Variants in ASAP1 observed in about 807,000 individuals in gnomAD.
ASAP1 encodes arf-GAP with SH3 domain, ANK repeat and PH domain-containing protein 1.
ASAP1 carries 43 observed loss-of-function variants against 145.2 expected under a neutral mutation model. That is an observed-to-expected ratio of 0.30 (90% confidence interval 0.23 to 0.38). The LOEUF (loss-of-function observed/expected upper bound fraction) is 0.38, where lower values mean the gene tolerates loss of function less well. ASAP1 is among the 10% of genes least tolerant of loss of function. The probability of loss-of-function intolerance (pLI) is 1.00; values close to 1 mark genes in which losing one functional copy is unlikely to be tolerated. For missense variants in ASAP1, 1,018 were observed against 1,355.3 expected (o/e 0.75, Z 3.91); for synonymous variants, 546 against 515.5 (o/e 1.06, Z -0.80).
chr8:130,408,032 C>T (rs932827346), intron 1 of ASAP1, among the ~76,000 whole-genome samples: 12 of 152,146 alleles, frequency 7.9e-5, no homozygotes, highest in African/African-American at 1.2e-4. Context: ...TTTTGTGATA[C>T]GATTCCTCTT....
At chr8:130,433,172 G>A (rs970797007) in intron 1 of ASAP1, among the ~76,000 whole-genome samples, 1 of 152,240 alleles carries the variant, frequency 6.6e-6, no homozygotes, top group East Asian at 1.9e-4. Flanking sequence ...TTCTGTATCA[G>A]TGGAGGCATA....
intron 2 of ASAP1, among the ~76,000 whole-genome samples, chr8:130,362,355 TGAC>T (rs1338578902): frequency 1.6e-4 from 25 of 152,230 alleles, no homozygotes; most frequent in African/African-American, 4.8e-4. Context: ...CCTCATGGAA[TGAC>T]GACAATGGCT....
intron 5 of ASAP1, among the ~76,000 whole-genome samples, chr8:130,213,948 G>A (rs150244177): frequency 6.1e-4 from 93 of 152,254 alleles, no homozygotes; most frequent in Middle Eastern, 3.4e-3. Context: ...TCTGCCTCCC[G>A]GGGCCAGCAC....
intron 24 of ASAP1, among the ~76,000 whole-genome samples, chr8:130,106,564 C>T (rs1178930466): frequency 6.6e-6 from 1 of 152,268 alleles, no homozygotes; most frequent in African/African-American, 2.4e-5. Context: ...AACTATCACA[C>T]CTGTGGACAT....
chr8:130,075,428 C>A (rs1012913899), intron 27 of ASAP1, among the ~76,000 whole-genome samples: 5 of 152,154 alleles, frequency 3.3e-5, no homozygotes, highest in East Asian at 3.9e-4. Flanking sequence ...CCAATACTAA[C>A]CCCCAGTTTG....
chr8:130,412,729 G>A (rs906648816), intron 1 of ASAP1, among the ~76,000 whole-genome samples: 1 of 151,018 alleles, frequency 6.6e-6, no homozygotes, highest in Non-Finnish European at 1.5e-5. Flanking sequence ...CTGGCTCACT[G>A]CAACCTCCAC....
chr8:130,131,769 G>A (rs1458995422), intron 15 of ASAP1, among the ~76,000 whole-genome samples: 1 of 152,174 alleles, frequency 6.6e-6, no homozygotes, highest in East Asian at 1.9e-4. Context: ...CTGCACTCCA[G>A]CATGTGTGAC....
intron 2 of ASAP1, among the ~76,000 whole-genome samples, chr8:130,366,716 AT>A (rs1182804924): frequency 1.3e-5 from 2 of 152,052 alleles, no homozygotes; most frequent in African/African-American, 2.4e-5. Context: ...AAATTACTTT[AT>A]TGTTAAAAGG....
intron 3 of ASAP1, among the ~76,000 whole-genome samples, chr8:130,319,252 C>A (rs1586821716): frequency 6.6e-6 from 1 of 152,146 alleles, no homozygotes; most frequent in African/African-American, 2.4e-5. Flanking sequence ...ATAGCCAGAA[C>A]CAGCCCCCAG....
chr8:130,308,968 G>C (rs1030103148), intron 3 of ASAP1, among the ~76,000 whole-genome samples: 1 of 152,166 alleles, frequency 6.6e-6, no homozygotes, highest in African/African-American at 2.4e-5. Context: ...GGGCAGTTGA[G>C]GGAAAGGGAG....
intron 3 of ASAP1, among the ~76,000 whole-genome samples, chr8:130,337,633 T>C (rs749855736): frequency 2.0e-5 from 3 of 152,242 alleles, no homozygotes; most frequent in Non-Finnish European, 4.4e-5. Context: ...CTCCTTCCCA[T>C]GAAAATTGAA....
chr8:130,340,949 TTTTTGTTTTTG>T (rs1565224801), intron 3 of ASAP1: 3 of 421,814 alleles, frequency 7.1e-6, no homozygotes, highest in Admixed American at 5.4e-5. Flanking sequence ...ACTAGGTTTT[TTTTTGTTTTTG>T]TTTTTGTTTT....
At chr8:130,149,969 G>C (rs1052697471) in intron 13 of ASAP1, among the ~76,000 whole-genome samples, 5 of 152,208 alleles carry the variant, frequency 3.3e-5, no homozygotes, top group South Asian at 2.1e-4. Context: ...CTGGGGGCAG[G>C]AGAGTGCTGA....
At chr8:130,418,776 GTTTT>G in intron 1 of ASAP1, among the ~76,000 whole-genome samples, 1 of 147,004 alleles carries the variant, frequency 6.8e-6, no homozygotes, top group African/African-American at 2.5e-5. Flanking sequence ...AAAAATAGGA[GTTTT>G]TTTTTTTTTA....
chr8:130,059,217 T>C (rs2097411959), intron 28 of ASAP1, among the ~76,000 whole-genome samples: 1 of 151,948 alleles, frequency 6.6e-6, no homozygotes, highest in East Asian at 1.9e-4. Flanking sequence ...CAGGCTAGAG[T>C]GCAGTGGCAT....
chr8:130,337,742 T>A (rs1340329071), intron 3 of ASAP1, among the ~76,000 whole-genome samples: 1 of 152,174 alleles, frequency 6.6e-6, no homozygotes, highest in Non-Finnish European at 1.5e-5. Context: ...AGTCTTTTAC[T>A]TTCCTCTCCT....
intron 25 of ASAP1, among the ~76,000 whole-genome samples, chr8:130,089,756 C>T (rs1322198253): frequency 5.9e-5 from 9 of 152,122 alleles, no homozygotes; most frequent in African/African-American, 2.2e-4. Context: ...ACATACATGC[C>T]CATTACTGAC....
At chr8:130,432,944 T>C (rs1185989961) in intron 1 of ASAP1, among the ~76,000 whole-genome samples, 2 of 152,152 alleles carry the variant, frequency 1.3e-5, no homozygotes, top group Admixed American at 6.5e-5. Flanking sequence ...GGGGAAAAGA[T>C]GTTGGGTAAG....
At chr8:130,074,385 C>T (rs1592741891) in intron 27 of ASAP1, among the ~76,000 whole-genome samples, 1 of 150,514 alleles carries the variant, frequency 6.6e-6, no homozygotes, top group South Asian at 2.1e-4. Flanking sequence ...GGATACTATT[C>T]TGTGTCTTTT....
Sources: gnomAD v4.1 joint callset for allele counts (sites outside exome capture counted in the v4.1 genomes callset) on GRCh38, gnomAD v4.1.1 for gene constraint, MANE v1.5 for transcripts, NCBI Gene and HGNC (gene_info 2026-07-23, HGNC 2026-07-21) for gene names.